The following CNTNAP2 variants were observed in gnomAD, a reference collection of about 807,000 sequenced individuals.
The protein encoded by CNTNAP2 is contactin associated protein 2.
CNTNAP2 carries 98 observed loss-of-function variants against 155.2 expected under a neutral mutation model. The observed-to-expected ratio is 0.63, with a 90% CI of 0.54 to 0.75. CNTNAP2 has a LOEUF of 0.75. CNTNAP2 is among the 30% of genes least tolerant of loss of function. The probability of loss-of-function intolerance (pLI) is 0.00; values close to 1 mark genes in which losing one functional copy is unlikely to be tolerated. For synonymous variants in CNTNAP2, 651 were observed against 631.2 expected, an observed-to-expected ratio of 1.03 and a Z score of -0.47; for missense variants, 1,727 against 1,688.1, an observed-to-expected ratio of 1.02 and a Z score of -0.40.
At chr7:148,108,102 G>A (rs1250030640) in intron 15 of CNTNAP2, among the ~76,000 whole-genome samples, 1 of 152,190 alleles carries the variant, frequency 6.6e-6, no homozygotes, top group Non-Finnish European at 1.5e-5. Context: ...TGGGGAGGGA[G>A]GAGACAGGGC....
At chr7:147,141,653 C>T (rs1039326608) in intron 8 of CNTNAP2, among the ~76,000 whole-genome samples, 1 of 152,076 alleles carries the variant, frequency 6.6e-6, no homozygotes, top group Admixed American at 6.6e-5. Context: ...AGTCTAAAGT[C>T]ACTAACCTTG....
At chr7:146,521,904 A>G (rs1213486628) in intron 1 of CNTNAP2, among the ~76,000 whole-genome samples, 1 of 152,066 alleles carries the variant, frequency 6.6e-6, no homozygotes, top group African/African-American at 2.4e-5. Flanking sequence ...AGTGTTTTTC[A>G]GTGCCAGATA....
At chr7:148,105,964 C>A (rs1055511949) in intron 15 of CNTNAP2, among the ~76,000 whole-genome samples, 2 of 152,162 alleles carry the variant, frequency 1.3e-5, no homozygotes, top group African/African-American at 2.4e-5. Flanking sequence ...AGGAACAGAA[C>A]CAAGTTAGGA....
intron 3 of CNTNAP2, among the ~76,000 whole-genome samples, chr7:146,905,807 A>G (rs1280109063): frequency 1.3e-5 from 2 of 152,228 alleles, no homozygotes; most frequent in Non-Finnish European, 2.9e-5. Flanking sequence ...AAGATGGCCG[A>G]ATAGGAACAG....
chr7:148,095,663 A>G (rs578187167), intron 15 of CNTNAP2, among the ~76,000 whole-genome samples: 14 of 152,344 alleles, frequency 9.2e-5, no homozygotes, highest in South Asian at 4.1e-4. Flanking sequence ...TGAGCCACTG[A>G]TGACTACAGA....
chr7:147,991,584 A>T lies in CNTNAP2; in HGVS notation c.2383+13595A>T, dbSNP rs578015837. 5.0e-5 allele frequency among the ~76,000 whole-genome samples: 7 copies of T among 141,342 alleles called. No individual in the cohort carries two copies. In the South Asian group the frequency reaches 6.3e-4, roughly 13 times the overall value. 92.7% of individuals were successfully genotyped at this position (141,342 alleles called of 152,430 possible). On this transcript the variant is annotated intron_variant, in intron 15 of 23. Coordinates refer to ENST00000361727, the MANE Select transcript of CNTNAP2 (RefSeq NM_014141.6). ...GATGATTATCTTTAAATTAAGGATT[A>T]AAAAAAAACTCTTTTGCTAAGTTTT...
chr7:146,274,888 G>A (rs1450919091), intron 1 of CNTNAP2, among the ~76,000 whole-genome samples: 2 of 151,836 alleles, frequency 1.3e-5, no homozygotes, highest in Non-Finnish European at 2.9e-5. Context: ...TTTTATCTCA[G>A]TGAAATCAGT....
At chr7:146,969,466 C>G (rs982216938) in intron 3 of CNTNAP2, among the ~76,000 whole-genome samples, 11 of 152,050 alleles carry the variant, frequency 7.2e-5, no homozygotes, top group Non-Finnish European at 1.3e-4. Context: ...GTAGATCACT[C>G]AGGACTTGCT....
intron 21 of CNTNAP2, 152 bp downstream of exon 21, chr7:148,267,278 G>A (rs1796690264): frequency 1.4e-6 from 1 of 720,638 alleles, no homozygotes; most frequent in Non-Finnish European, 2.4e-6. Flanking sequence ...TGTTCTCGGT[G>A]TTGCACAAGC....
chr7:146,979,074 A>G (rs1050932038), intron 3 of CNTNAP2, among the ~76,000 whole-genome samples: 4 of 152,180 alleles, frequency 2.6e-5, no homozygotes, highest in Admixed American at 1.3e-4. Context: ...TGTTTAGCAA[A>G]GTGAGTCCAA....
chr7:147,288,270 G>T (rs1805226720), intron 8 of CNTNAP2, among the ~76,000 whole-genome samples: 1 of 152,152 alleles, frequency 6.6e-6, no homozygotes. Flanking sequence ...TAAACCCATT[G>T]TCTGTCTTTG....
chr7:147,083,598 G>A (rs146451730), intron 4 of CNTNAP2, among the ~76,000 whole-genome samples: 1,375 of 136,324 alleles, frequency 0.01, 61 homozygotes, highest in Admixed American at 0.088. Flanking sequence ...ACACACACAC[G>A]TCTATAATGC....
chr7:146,193,314 C>CCT (rs1798732902), intron 1 of CNTNAP2, among the ~76,000 whole-genome samples: 1 of 152,220 alleles, frequency 6.6e-6, no homozygotes, highest in Non-Finnish European at 1.5e-5. Context: ...TTCTCTTCTG[C>CCT]ACTGCCCTAG....
At chr7:147,601,153 C>CTG (rs1344717596) in intron 12 of CNTNAP2, among the ~76,000 whole-genome samples, 1 of 152,106 alleles carries the variant, frequency 6.6e-6, no homozygotes, top group African/African-American at 2.4e-5. Flanking sequence ...CCTCTGTCTC[C>CTG]TCCCTCCTGT....
At chr7:147,273,201 G>C (rs565840955) in intron 8 of CNTNAP2, among the ~76,000 whole-genome samples, 1 of 152,028 alleles carries the variant, frequency 6.6e-6, no homozygotes, top group African/African-American at 2.4e-5. Context: ...ACCACTTCGC[G>C]CCGAAATTTA....
At chr7:146,557,773 G>A (rs559318452) in intron 1 of CNTNAP2, among the ~76,000 whole-genome samples, 1 of 152,262 alleles carries the variant, frequency 6.6e-6, no homozygotes, top group Admixed American at 6.5e-5. Context: ...GTGTGTGATT[G>A]TCTAGGTTGC....
intron 4 of CNTNAP2, chr7:147,085,751 G>C (rs576136011): frequency 2.0e-5 from 3 of 152,102 alleles, no homozygotes; most frequent in African/African-American, 7.2e-5. Context: ...ATGTCTCATC[G>C]TTTTATTAGC....
intron 13 of CNTNAP2, among the ~76,000 whole-genome samples, chr7:147,639,781 A>G (rs1795244006): frequency 6.6e-6 from 1 of 152,134 alleles, no homozygotes; most frequent in Non-Finnish European, 1.5e-5. Flanking sequence ...GTCTAGCCTG[A>G]TTTTTTGTTT....
At chr7:146,356,173 A>T (rs1446811947) in intron 1 of CNTNAP2, among the ~76,000 whole-genome samples, 1 of 152,126 alleles carries the variant, frequency 6.6e-6, no homozygotes, top group Non-Finnish European at 1.5e-5. Flanking sequence ...ATCTGTAGAC[A>T]TCAGATGTAC....
Sources: allele counts gnomAD v4.1 joint callset (sites outside exome capture counted in the v4.1 genomes callset), GRCh38; gene constraint gnomAD v4.1.1; transcripts MANE v1.5; gene names NCBI Gene and HGNC (gene_info 2026-07-23, HGNC 2026-07-21).